PTPRB: variants seen among roughly 807,000 people sequenced by gnomAD.
PTPRB encodes receptor-type tyrosine-protein phosphatase beta.
Under a neutral mutation model 238.1 loss-of-function variants are expected in PTPRB, and 97 were observed. That is an observed-to-expected ratio of 0.41 (90% CI 0.35 to 0.48). The LOEUF (loss-of-function observed/expected upper bound fraction) is 0.48. Ranked by LOEUF, PTPRB falls within the 20% of genes least tolerant of loss-of-function variation. The pLI, the probability that PTPRB is intolerant of heterozygous loss-of-function variation, is 0.30. For synonymous variants in PTPRB, 970 were observed against 995.4 expected, an observed-to-expected ratio of 0.97 and a Z score of 0.48; for missense variants, 2,292 against 2,681.9, an observed-to-expected ratio of 0.85 and a Z score of 3.21.
intron 17 of PTPRB, 83 bp from the exon 18 acceptor site, chr12:70,559,707 C>T (rs1878214431): frequency 3.8e-6 from 5 of 1,300,300 alleles, no homozygotes; most frequent in Non-Finnish European, 5.4e-6. Context: ...CAACATCAGA[C>T]ACACTTTTAA....
At chr12:70,601,893 C>T (rs1323921052) in intron 4 of PTPRB, among the ~76,000 whole-genome samples, 1 of 150,032 alleles carries the variant, frequency 6.7e-6, no homozygotes, top group Non-Finnish European at 1.5e-5. Context: ...CCAGGTCCTG[C>T]CATTCCCCTG....
chr12:70,593,689 T>C (rs1430836169), intron 6 of PTPRB, among the ~76,000 whole-genome samples: 1 of 152,158 alleles, frequency 6.6e-6, no homozygotes, highest in Non-Finnish European at 1.5e-5. Context: ...TATGTAAATG[T>C]ACCGGTGTCC....
chr12:70,555,756 T>C, intron 19 of PTPRB, 114 bp downstream of exon 19: 16 of 1,336,180 alleles, frequency 1.2e-5, no homozygotes, highest in Non-Finnish European at 1.2e-5. Context: ...GACAGGCTTA[T>C]GCAAAAGTGA....
chr12:70,536,012 G>T lies in PTPRB; in HGVS notation c.6081+13C>A, dbSNP rs1432555259. ...AAAGCAAAGCTTTGATGCCAGGAAGGCTGTTTACTCACTCGGCCCTTCTCA... is the reference window on the plus strand; with the variant it reads ...AAAGCAAAGCTTTGATGCCAGGAAGTCTGTTTACTCACTCGGCCCTTCTCA... On this transcript the variant is annotated intron_variant, in intron 29 of 33. Transcript: ENST00000334414. 3 of 1,611,554 alleles carry T rather than the reference G, an allele frequency of 1.9e-6. No homozygotes were observed. The highest frequency in any genetic ancestry group is 1.3e-5 in the African/African-American group (1 of 74,868).
intron 19 of PTPRB, among the ~76,000 whole-genome samples, chr12:70,555,632 T>G (rs1047829452): frequency 6.6e-6 from 1 of 152,214 alleles, no homozygotes; most frequent in Non-Finnish European, 1.5e-5. Context: ...ATTTAAATAC[T>G]AACTCATTCA....
At chr12:70,521,570 C>A in intron 33 of PTPRB, 59 bp from the exon 34 acceptor site, 1 of 1,399,002 alleles carries the variant, frequency 7.1e-7, no homozygotes, top group Non-Finnish European at 9.5e-7. Context: ...ATTGTTTACG[C>A]TGTTTATGAA....
intron 11 of PTPRB, among the ~76,000 whole-genome samples, chr12:70,572,395 C>T (rs145795142): frequency 2.2e-4 from 33 of 152,026 alleles, no homozygotes; most frequent in Non-Finnish European, 3.8e-4. Flanking sequence ...TGATGGTAAA[C>T]GATATAGATA....
chr12:70,613,917 G>C (rs560800288), intron 3 of PTPRB, among the ~76,000 whole-genome samples: 3 of 152,152 alleles, frequency 2.0e-5, no homozygotes, highest in South Asian at 2.1e-4. Flanking sequence ...GAAGGGAAGA[G>C]GGGAAAGAGA....
At chr12:70,537,200 T>C (rs1043304195) in intron 28 of PTPRB, among the ~76,000 whole-genome samples, 16 of 140,306 alleles carry the variant, frequency 1.1e-4, no homozygotes, top group Admixed American at 1.1e-3. Context: ...GGCAGGAGAA[T>C]GGCGTGAACC....
At position 70,573,508 on chromosome 12, in the gene PTPRB, T is replaced by TTC. The variant is rs1555229469; in HGVS notation, c.2843-1422_2843-1421insGA. Among the ~76,000 whole-genome samples the TTC allele has an allele frequency of 4.1e-3, 573 of 140,704 alleles. 2 individuals are homozygous for TTC. The highest frequency in any genetic ancestry group is 0.015 in the African/African-American group (525 of 36,120). The allele number at this position is 140,704 out of a possible 152,430, so 92.3% of individuals were successfully genotyped here. Reference sequence around the variant, plus strand: ...GGTTTCTTTTTTCTTTTCTTTTCTTTTTTTTTTTTTTTTTTTGAGACAGAA... The same window carrying TTC: ...GGTTTCTTTTTTCTTTTCTTTTCTTTTCTTTTTTTTTTTTTTTTGAGACAGAA... On this transcript the variant is annotated intron_variant, in intron 11 of 33. Coordinates refer to ENST00000334414, the MANE Select transcript of PTPRB (RefSeq NM_001109754.4).
intron 14 of PTPRB, among the ~76,000 whole-genome samples, chr12:70,568,432 G>C (rs940126462): frequency 2.0e-5 from 3 of 150,506 alleles, no homozygotes; most frequent in African/African-American, 4.9e-5. Flanking sequence ...CGAGTAGCTG[G>C]GACTACAGGC....
intron 11 of PTPRB, among the ~76,000 whole-genome samples, chr12:70,572,388 T>C (rs919087401): frequency 1.3e-5 from 2 of 152,116 alleles, no homozygotes; most frequent in African/African-American, 4.8e-5. Flanking sequence ...ATATGAGTGA[T>C]GGTAAACGAT....
rs1871633481 is a variant in PTPRB, at chr12:70,521,396, A to C, written c.*93T>G. 1.1e-6 allele frequency: 1 copy of C among 898,950 alleles called. No individual in the cohort carries two copies. 55.7% of individuals were successfully genotyped at this position (898,950 alleles called of 1,614,324 possible). A position where few individuals can be genotyped will look rare whatever the true frequency, so the allele number is the denominator to read the frequency against. On this transcript the variant is annotated 3_prime_UTR_variant, in exon 34 of 34. Transcript: ENST00000334414. ...AATAAATTATACATAGTATCAACAG[A>C]AATAGCTGGCACCTCTGTAGGGCAT...
chr12:70,530,946 A>G (rs1180676534), intron 32 of PTPRB, among the ~76,000 whole-genome samples: 1 of 152,254 alleles, frequency 6.6e-6, no homozygotes, highest in African/African-American at 2.4e-5. Flanking sequence ...AATCATTGTT[A>G]TAATGAAAGT....
chr12:70,580,947 G>T, intron 10 of PTPRB, 89 bp downstream of exon 10: 3 of 1,420,366 alleles, frequency 2.1e-6, no homozygotes, highest in Non-Finnish European at 2.8e-6. Flanking sequence ...GGATGAGTCT[G>T]ATTTTAGGAT....
At chr12:70,624,645 T>C (rs1012222659) in intron 2 of PTPRB, among the ~76,000 whole-genome samples, 2 of 152,160 alleles carry the variant, frequency 1.3e-5, no homozygotes, top group African/African-American at 2.4e-5. Flanking sequence ...ATATGCAGAT[T>C]AGCATTTTGG....
Position 70,529,966 on chromosome 12 carries a change from T to G in PTPRB, c.6504+2069A>C, listed in dbSNP as rs567002796. 2.3e-5 allele frequency among the ~76,000 whole-genome samples: 3 copies of G among 132,938 alleles called. No homozygotes were observed. The South Asian group carries it at 6.7e-4, about 30-fold the overall frequency. The allele number at this position is 132,938 out of a possible 152,430, so 87.2% of individuals were successfully genotyped here. On this transcript the variant is annotated intron_variant, in intron 32 of 33. Coordinates refer to ENST00000334414, the MANE Select transcript of PTPRB (RefSeq NM_001109754.4). ...CCATGGGGAGTAGAGGAAAAATCCA[T>G]GGGGAGTAGAGGAATATATTACCAC...
intron 2 of PTPRB, among the ~76,000 whole-genome samples, chr12:70,625,817 T>C (rs1254415620): frequency 6.6e-6 from 1 of 152,168 alleles, no homozygotes; most frequent in South Asian, 2.1e-4. Context: ...ATAACACAAT[T>C]TCTCCCAGAA....
At position 70,521,391 on chromosome 12, in the gene PTPRB, A is replaced by G; in HGVS notation, c.*98T>C. ...AGATTAATAAATTATACATAGTATC[A>G]ACAGAAATAGCTGGCACCTCTGTAG... On this transcript the variant is annotated 3_prime_UTR_variant, in exon 34 of 34. Transcript: ENST00000334414. 1.2e-6 allele frequency: 1 copy of G among 823,590 alleles called. No individual in the cohort carries two copies. The highest frequency in any genetic ancestry group is 1.8e-6 in the Non-Finnish European group (1 of 555,846). 51.0% of individuals were successfully genotyped at this position (823,590 alleles called of 1,614,324 possible).
Sources: allele counts gnomAD v4.1 joint callset (sites outside exome capture counted in the v4.1 genomes callset), GRCh38; gene constraint gnomAD v4.1.1; transcripts MANE v1.5; gene names NCBI Gene and HGNC (gene_info 2026-07-23, HGNC 2026-07-21).